GRIA1: variants seen among roughly 807,000 people sequenced by gnomAD.
The protein encoded by GRIA1 is glutamate ionotropic receptor AMPA type subunit 1.
GRIA1 carries 31 observed loss-of-function variants against 99.2 expected under a neutral mutation model. The observed-to-expected ratio is 0.31, with a 90% confidence interval of 0.23 to 0.42. The LOEUF (loss-of-function observed/expected upper bound fraction) is 0.42. GRIA1 is among the 10% of genes least tolerant of loss of function. GRIA1 has a pLI of 1.00. For missense variants in GRIA1, 782 were observed against 1,157.5 expected (o/e 0.68, Z 4.71); for synonymous variants, 438 against 432.4 (o/e 1.01, Z -0.16).
intron 2 of GRIA1, among the ~76,000 whole-genome samples, chr5:153,552,020 G>C (rs1241772587): frequency 2.0e-5 from 3 of 152,120 alleles, no homozygotes; most frequent in Non-Finnish European, 4.4e-5. Context: ...GGAATTGTCT[G>C]CCAGTGTTTT....
At chr5:153,600,250 G>A (rs1271148054) in intron 2 of GRIA1, among the ~76,000 whole-genome samples, 3 of 151,860 alleles carry the variant, frequency 2.0e-5, no homozygotes, top group African/African-American at 7.3e-5. Context: ...AAACTAGCTG[G>A]GCGTGGTGGC....
chr5:153,783,866 G>T (rs1222353011), intron 13 of GRIA1, among the ~76,000 whole-genome samples: 1 of 152,170 alleles, frequency 6.6e-6, no homozygotes, highest in South Asian at 2.1e-4. Context: ...GGACCAGAAG[G>T]CTCAGTCCAT....
At chr5:153,803,101 A>T (rs1766165554) in intron 15 of GRIA1, among the ~76,000 whole-genome samples, 2 of 152,226 alleles carry the variant, frequency 1.3e-5, no homozygotes, top group Non-Finnish European at 1.5e-5. Context: ...AAAACAGGCT[A>T]GTTCTATGGA....
intron 2 of GRIA1, among the ~76,000 whole-genome samples, chr5:153,614,220 G>A (rs1351883617): frequency 6.6e-6 from 1 of 152,044 alleles, no homozygotes. Context: ...ATTTACTTGG[G>A]TATTTAGTTG....
chr5:153,541,737 C>A (rs1759113700), intron 2 of GRIA1, among the ~76,000 whole-genome samples: 1 of 151,988 alleles, frequency 6.6e-6, no homozygotes, highest in African/African-American at 2.4e-5. Flanking sequence ...TGAGACCATC[C>A]TGGCCAACAT....
In GRIA1 at chr5:153,681,858, A is replaced by G. The variant is rs149853634; in HGVS notation, c.1030-4367A>G. 3.3e-3 allele frequency among the ~76,000 whole-genome samples: 495 copies of G among 152,146 alleles called. 7 individuals carry two copies. The highest frequency in any genetic ancestry group is 0.011 in the African/African-American group (465 of 41,508). ...AGACCAACCTGGCCAACATAGTGAA[A>G]CCCTGTCTCTACTAAAAATACAAAA... On this transcript the variant is annotated intron_variant, in intron 7 of 15. Transcript: ENST00000285900.
intron 2 of GRIA1, among the ~76,000 whole-genome samples, chr5:153,529,546 A>G (rs540389356): frequency 1.2e-4 from 18 of 152,332 alleles, no homozygotes; most frequent in African/African-American, 4.3e-4. Flanking sequence ...AGTATTCATG[A>G]TGAGCATCAT....
chr5:153,686,703 T>TTAAC (rs1228300170), intron 8 of GRIA1, among the ~76,000 whole-genome samples: 1 of 152,242 alleles, frequency 6.6e-6, no homozygotes, highest in Admixed American at 6.5e-5. Context: ...ATTGATGAGG[T>TTAAC]TAACTATCTC....
intron 2 of GRIA1, among the ~76,000 whole-genome samples, chr5:153,549,689 A>G (rs1412422633): frequency 6.6e-6 from 1 of 152,166 alleles, no homozygotes; most frequent in Non-Finnish European, 1.5e-5. Context: ...TTTCCAGGAA[A>G]CTAATTGTCA....
intron 2 of GRIA1, among the ~76,000 whole-genome samples, chr5:153,512,478 G>T (rs1370977242): frequency 2.6e-5 from 4 of 152,166 alleles, no homozygotes; most frequent in African/African-American, 9.7e-5. Context: ...TATGGCCCAA[G>T]AGGCCAAAAC....
chr5:153,714,319 T>C (rs568268752), intron 11 of GRIA1, among the ~76,000 whole-genome samples: 1 of 152,362 alleles, frequency 6.6e-6, no homozygotes, highest in Admixed American at 6.5e-5. Flanking sequence ...TTACTGCATT[T>C]AGACACACTT....
chr5:153,686,336 TC>T lies in GRIA1; in HGVS notation c.1134+12del. ...ACATGACGGCATCCGAAAGGTAAGG[TC>T]CCCCTTTACTTCTGTTCTGCAGAGA... On this transcript the variant is annotated splice_region_variant and intron_variant, in intron 8 of 15. Transcript: ENST00000285900. 1 of 1,604,950 alleles carries T rather than the reference TC, an allele frequency of 6.2e-7. No individual in the cohort carries two copies. The highest frequency in any genetic ancestry group is 8.5e-7 in the Non-Finnish European group (1 of 1,171,844).
chr5:153,556,422 C>A (rs540241628), intron 2 of GRIA1, among the ~76,000 whole-genome samples: 2 of 152,244 alleles, frequency 1.3e-5, no homozygotes, highest in East Asian at 3.9e-4. Flanking sequence ...TCCCTGAAGC[C>A]TTTATAATCT....
chr5:153,521,464 A>G (rs894630870), intron 2 of GRIA1, among the ~76,000 whole-genome samples: 2 of 152,168 alleles, frequency 1.3e-5, no homozygotes, highest in African/African-American at 2.4e-5. Flanking sequence ...GAGCCCTTTG[A>G]CAGAACTACA....
intron 5 of GRIA1, among the ~76,000 whole-genome samples, chr5:153,658,304 A>C (rs1219812934): frequency 5.3e-5 from 8 of 152,172 alleles, no homozygotes; most frequent in Admixed American, 5.2e-4. Flanking sequence ...CCTTAGAGAC[A>C]CTGAAAGACC....
At position 153,646,985 on chromosome 5, in the gene GRIA1, C is replaced by G. The variant is rs1293327150; in HGVS notation, c.278C>G (p.Thr93Ser). The change falls in exon 3 of 16, where the codon ACT becomes AGT. Residue 93 changes from threonine (T) to serine (S), a missense_variant. Physicochemically the swap from Thr to Ser is moderately conservative, Grantham distance 58 (BLOSUM62 1). Coordinates refer to ENST00000285900, the MANE Select transcript of GRIA1 (RefSeq NM_000827.4). ...ATCTTTGGGTTTTATGAACGTAGGA[C>G]TGTCAACATGCTGACCTCCTTTTGT... ...YAIFGFYERRTVNMLTSFCGA... is the reference protein window; with the variant it reads ...YAIFGFYERRSVNMLTSFCGA... 2 of 1,613,980 alleles carry G rather than the reference C, an allele frequency of 1.2e-6. No homozygotes were observed. The highest frequency in any genetic ancestry group is 2.2e-5 in the South Asian group (2 of 91,078).
intron 2 of GRIA1, chr5:153,525,081 A>C (rs1383501646): frequency 6.6e-6 from 1 of 152,220 alleles, no homozygotes; most frequent in East Asian, 1.9e-4. Context: ...ATTGAATTCC[A>C]GGTCTTAGCA....
intron 12 of GRIA1, among the ~76,000 whole-genome samples, chr5:153,769,557 A>G (rs900119192): frequency 3.3e-5 from 5 of 152,010 alleles, no homozygotes; most frequent in Admixed American, 1.3e-4. Context: ...GGTGGGCCAT[A>G]TTTGGAAGGT....
intron 7 of GRIA1, among the ~76,000 whole-genome samples, chr5:153,685,028 T>C (rs1757248134): frequency 6.6e-6 from 1 of 152,166 alleles, no homozygotes; most frequent in Admixed American, 6.6e-5. Context: ...TCTTATACGT[T>C]CTAACAACAG....
Sources: gnomAD v4.1 joint callset for allele counts (sites outside exome capture counted in the v4.1 genomes callset) on GRCh38, gnomAD v4.1.1 for gene constraint, MANE v1.5 for transcripts, NCBI Gene and HGNC (gene_info 2026-07-23, HGNC 2026-07-21) for gene names.